Variants in MYH11 observed in about 807,000 individuals in gnomAD.
MYH11 encodes myosin heavy chain 11.
In MYH11, 80 loss-of-function variants were observed where a neutral mutation model predicts 246.6. The observed-to-expected ratio is 0.32, with a 90% CI of 0.27 to 0.39. The LOEUF is 0.39. Ranked by LOEUF, MYH11 falls within the 10% of genes least tolerant of loss-of-function variation. MYH11 has a pLI of 1.00. For synonymous variants in MYH11, 1,071 were observed against 1,015.5 expected, an observed-to-expected ratio of 1.05 and a Z score of -1.04; for missense variants, 2,158 against 2,546.8, an observed-to-expected ratio of 0.85 and a Z score of 3.29.
At position 15,740,157 on chromosome 16, in the gene MYH11, G is replaced by T; in HGVS notation, c.2891C>A (p.Ala964Asp). 1.2e-6 allele frequency: 2 copies of T among 1,614,184 alleles called. No individual in the cohort carries two copies. The highest frequency in any genetic ancestry group is 1.7e-6 in the Non-Finnish European group (2 of 1,180,024). Residue 964 changes from alanine (A) to aspartate (D), a missense_variant, in exon 23 of 41, where the codon GCT becomes GAT. Around this residue, in one of 11 missense-constraint regions of MYH11, gnomAD observed 284 missense variants for 315.4 expected, o/e 0.90. Coordinates refer to ENST00000300036, the MANE Select transcript of MYH11 (RefSeq NM_002474.3). ...DLEEQLEEEE[A>D]ARQKLQLEKV... ...CTCAAGTTGCAGCTTCTGCCTGGCA[G>T]CTTCCTCCTCCTCCAGCTGTTCTTC...
intron 4 of MYH11, among the ~76,000 whole-genome samples, chr16:15,797,735 G>A (rs2042777385): frequency 6.6e-6 from 1 of 151,874 alleles, no homozygotes; most frequent in Non-Finnish European, 1.5e-5. Context: ...TGCAGAGTAA[G>A]GAAAATTCGA....
intron 40 of MYH11, 39 bp from the exon 41 acceptor site, chr16:15,704,162 T>C (rs1265949547): frequency 1.2e-6 from 2 of 1,612,076 alleles, no homozygotes; most frequent in Admixed American, 1.7e-5. Flanking sequence ...AGCAAAGAAA[T>C]CTTCATGGTT....
At chr16:15,783,554 C>T (rs8060975) in intron 5 of MYH11, 33,794 of 152,140 alleles carry the variant, frequency 0.22, 3,961 homozygotes, top group Middle Eastern at 0.26. Context: ...AAGCCTCATC[C>T]GCATACAAAT....
At chr16:15,767,276 C>T (rs750620288) in intron 9 of MYH11, among the ~76,000 whole-genome samples, 2 of 151,970 alleles carry the variant, frequency 1.3e-5, no homozygotes, top group Non-Finnish European at 2.9e-5. Flanking sequence ...TCAATAAGTC[C>T]CATGAGCCTC....
intron 10 of MYH11, among the ~76,000 whole-genome samples, chr16:15,761,390 G>A (rs1250311696): frequency 6.6e-6 from 1 of 152,164 alleles, no homozygotes. Flanking sequence ...TGGGATTACA[G>A]GCGTGAGCCA....
At chr16:15,849,652 T>C (rs2044281947) in intron 1 of MYH11, among the ~76,000 whole-genome samples, 1 of 151,656 alleles carries the variant, frequency 6.6e-6, no homozygotes, top group Non-Finnish European at 1.5e-5. Context: ...GGGTCTCACT[T>C]TGTGGCCCAG....
Position 15,750,272 on chromosome 16 carries a change from C to G in MYH11, c.1924G>C (p.Ala642Pro), listed in dbSNP as rs371750065. The change falls in exon 16 of 41, where the codon GCC becomes CCC. Residue 642 changes from alanine to proline, a missense_variant. Physicochemically the swap from Ala to Pro is conservative, Grantham distance 27 (BLOSUM62 -1). Transcript: ENST00000300036. The surrounding 1 kb of genome is among the most constrained non-coding windows in gnomAD (Gnocchi z 4.3). ...AACATGCCCTTCTTGGTCTTGGAGG[C>G]GCTGGGCAGCGAGCTCTCCGTCATC... ...AKMTESSLPS[A>P]SKTKKGMFRT... is the part of the protein sequence containing the mutation. 4 of 1,613,908 alleles carry G rather than the reference C, an allele frequency of 2.5e-6. No individual in the cohort carries two copies. The highest frequency in any genetic ancestry group is 1.7e-5 in the Admixed American group (1 of 59,998).
intron 3 of MYH11, among the ~76,000 whole-genome samples, chr16:15,802,843 G>T (rs563393324): frequency 5.8e-4 from 89 of 152,228 alleles, no homozygotes; most frequent in Admixed American, 1.6e-3. Flanking sequence ...CTAAATCAAT[G>T]GTGTCCCTAT....
intron 14 of MYH11, among the ~76,000 whole-genome samples, chr16:15,753,865 A>C (rs1037599368): frequency 2.0e-5 from 3 of 152,112 alleles, no homozygotes; most frequent in African/African-American, 4.8e-5. Context: ...TCCTGCCGAC[A>C]TGCAAAACTC....
intron 27 of MYH11, among the ~76,000 whole-genome samples, chr16:15,730,858 T>C (rs901945158): frequency 3.9e-5 from 6 of 152,206 alleles, no homozygotes; most frequent in African/African-American, 1.2e-4. Context: ...TCGGTACTGC[T>C]ATTTACCAGC....
chr16:15,734,643 C>A (rs556174674), intron 26 of MYH11, among the ~76,000 whole-genome samples: 1 of 152,206 alleles, frequency 6.6e-6, no homozygotes, highest in South Asian at 2.1e-4. Context: ...TCAAATTGTT[C>A]TCTGAGTATA....
chr16:15,826,907 C>G (rs902081095), intron 2 of MYH11, among the ~76,000 whole-genome samples: 1 of 146,206 alleles, frequency 6.8e-6, no homozygotes, highest in Non-Finnish European at 1.5e-5. Context: ...GCAGGAGAAT[C>G]ACTTGAACCT....
At chr16:15,721,872 G>C (rs1441578626) in intron 31 of MYH11, among the ~76,000 whole-genome samples, 1 of 152,000 alleles carries the variant, frequency 6.6e-6, no homozygotes, top group Non-Finnish European at 1.5e-5. Flanking sequence ...GTGTTTGTTT[G>C]TTTTAGATGG....
chr16:15,786,166 C>T, intron 5 of MYH11: 1 of 333,252 alleles, frequency 3.0e-6, no homozygotes, highest in Non-Finnish European at 5.9e-6. Flanking sequence ...GGCAACTGTC[C>T]CACCCCAGGG....
intron 9 of MYH11, among the ~76,000 whole-genome samples, chr16:15,770,552 A>C (rs1275813632): frequency 1.3e-5 from 2 of 152,106 alleles, no homozygotes; most frequent in Non-Finnish European, 2.9e-5. Flanking sequence ...ATATCAATTG[A>C]TCACCAGAGC....
At position 15,780,640 on chromosome 16, in the gene MYH11, G is replaced by A. The variant is rs1032775318; in HGVS notation, c.726+1745C>T. ...TGGGAATACAGGCATGTGTCACTGC[G>A]CCCAGCTAATTTTTGTATTTTTAGT... On this transcript the variant is annotated intron_variant, in intron 6 of 40. Coordinates refer to ENST00000300036, the MANE Select transcript of MYH11 (RefSeq NM_002474.3). 3.3e-5 allele frequency among the ~76,000 whole-genome samples: 5 copies of A among 151,522 alleles called. 1 individual carries two copies. Among genetic ancestry groups the A allele is most frequent in the African/African-American group, 7.3e-5 (3 of 41,206 alleles).
At chr16:15,770,703 C>T (rs2042080612) in intron 9 of MYH11, among the ~76,000 whole-genome samples, 1 of 152,144 alleles carries the variant, frequency 6.6e-6, no homozygotes, top group Non-Finnish European at 1.5e-5. Flanking sequence ...AATGAAACCA[C>T]CCTGCGCTTT....
intron 10 of MYH11, 58 bp downstream of exon 10, chr16:15,763,738 A>AGCTGGGGGGGGCC: frequency 1.4e-6 from 1 of 717,694 alleles, no homozygotes; most frequent in Non-Finnish European, 2.6e-6. Flanking sequence ...GTTAAATGTC[A>AGCTGGGGGGGGCC]CCTCCCCCAC....
At chr16:15,799,096 CA>C (rs1399228258) in intron 3 of MYH11, among the ~76,000 whole-genome samples, 14 of 151,224 alleles carry the variant, frequency 9.3e-5, no homozygotes, top group Non-Finnish European at 1.9e-4. Flanking sequence ...CTCCATGCCT[CA>C]GTTCCTTCAT....
Sources: gnomAD v4.1 joint callset for allele counts (sites outside exome capture counted in the v4.1 genomes callset) on GRCh38, gnomAD v4.1.1 for gene constraint, gnomAD v4.1.1 regional missense constraint, Gnocchi (gnomAD v3.1) non-coding constraint, MANE v1.5 for transcripts, NCBI Gene and HGNC (gene_info 2026-07-23, HGNC 2026-07-21) for gene names.